NIPBL: variants seen among roughly 807,000 people sequenced by gnomAD.
NIPBL encodes the protein NIPBL cohesin loading factor.
Under a neutral mutation model 321.8 loss-of-function variants are expected in NIPBL, and 19 were observed. The ratio of observed to expected loss-of-function variants is 0.06; its 90% CI spans 0.04 to 0.09. The LOEUF is 0.09. Ranked by LOEUF, NIPBL falls within the 10% of genes least tolerant of loss-of-function variation. The probability of loss-of-function intolerance (pLI) is 1.00; values close to 1 mark genes in which losing one functional copy is unlikely to be tolerated. For synonymous variants in NIPBL, 1,106 were observed against 1,114.1 expected (o/e 0.99, Z 0.14); for missense variants, 2,210 against 3,327.0 (o/e 0.66, Z 8.26).
intron 1 of NIPBL, among the ~76,000 whole-genome samples, chr5:36,900,923 C>G (rs1169856851): frequency 6.6e-6 from 1 of 152,100 alleles, no homozygotes; most frequent in African/African-American, 2.4e-5. Flanking sequence ...ATTAATTGTT[C>G]CCTTTTCTAT....
At chr5:36,923,672 C>T (rs1258384252) in intron 1 of NIPBL, among the ~76,000 whole-genome samples, 2 of 152,082 alleles carry the variant, frequency 1.3e-5, no homozygotes, top group African/African-American at 4.8e-5. Context: ...CAGAAGTAGT[C>T]TTGGTTGACC....
At chr5:37,040,479 T>C (rs1752213663) in intron 34 of NIPBL, among the ~76,000 whole-genome samples, 1 of 152,172 alleles carries the variant, frequency 6.6e-6, no homozygotes, top group South Asian at 2.1e-4. Flanking sequence ...TCATATTATA[T>C]AGATATTTGT....
At chr5:36,947,043 T>C (rs556054698) in intron 1 of NIPBL, among the ~76,000 whole-genome samples, 2 of 152,218 alleles carry the variant, frequency 1.3e-5, no homozygotes, top group South Asian at 4.1e-4. Flanking sequence ...TTTTTGCATC[T>C]GTGAAATAGT....
At chr5:37,009,537 T>C (rs1218977683) in intron 20 of NIPBL, among the ~76,000 whole-genome samples, 1 of 152,234 alleles carries the variant, frequency 6.6e-6, no homozygotes, top group Non-Finnish European at 1.5e-5. Flanking sequence ...TAAACATTTA[T>C]TGTCTGTTAA....
chr5:36,896,937 C>A (rs1205926116), intron 1 of NIPBL, among the ~76,000 whole-genome samples: 1 of 151,572 alleles, frequency 6.6e-6, no homozygotes, highest in Non-Finnish European at 1.5e-5. Context: ...TATTGCATTT[C>A]TTTTGTTAAA....
chr5:36,893,865 A>C (rs1236313354), intron 1 of NIPBL, among the ~76,000 whole-genome samples: 1 of 152,186 alleles, frequency 6.6e-6, no homozygotes, highest in African/African-American at 2.4e-5. Context: ...TGAGGAAAGA[A>C]GTTAGGGTAG....
Position 37,001,032 on chromosome 5 carries a change from A to G in NIPBL, c.3618A>G (p.Ile1206Met). The part of the protein sequence containing the change: ...SSTFKRFTAS[I>M]ENILDNLEDM... ...CTTTTAAGAGATTCACAGCCTCAAT[A>G]GAGAATATTTTGGATAATTTGGAAG... Residue 1206 changes from isoleucine (I) to methionine (M), a missense_variant, in exon 14 of 47, where the codon ATA (isoleucine) becomes ATG (methionine). This residue lies in a region of NIPBL where 381 missense variants were observed against 642.3 expected (regional missense o/e 0.59). Coordinates refer to ENST00000282516, the MANE Select transcript of NIPBL (RefSeq NM_133433.4). 2 of 1,612,020 alleles carry G rather than the reference A, an allele frequency of 1.2e-6. No homozygotes were observed. Among genetic ancestry groups the G allele is most frequent in the Non-Finnish European group, 1.7e-6 (2 of 1,178,854 alleles).
Position 37,003,218 on chromosome 5 carries a change from A to G in NIPBL, c.3769-43A>G, listed in dbSNP as rs779888924. ...CAGATTGTTTCTTGAATAATATATA[A>G]CTTTTACCAACGATTGATAAAGAAT... On this transcript the variant is annotated intron_variant, in intron 15 of 46. Transcript: ENST00000282516. 4.5e-6 allele frequency: 5 copies of G among 1,120,960 alleles called. No homozygotes were observed. In the African/African-American group the frequency reaches 7.6e-5, roughly 17 times the overall value. The allele number at this position is 1,120,960 out of a possible 1,614,324, so 69.4% of individuals were successfully genotyped here.
intron 1 of NIPBL, among the ~76,000 whole-genome samples, chr5:36,920,103 C>T (rs1018080290): frequency 5.3e-5 from 8 of 151,664 alleles, no homozygotes; most frequent in Non-Finnish European, 1.2e-4. Flanking sequence ...ATATGAATAT[C>T]AGAGAAATAT....
chr5:37,025,989 T>C (rs1750221612), intron 30 of NIPBL, among the ~76,000 whole-genome samples: 1 of 152,190 alleles, frequency 6.6e-6, no homozygotes, highest in Non-Finnish European at 1.5e-5. Context: ...GAAGAAGTTC[T>C]AGGCTAGGGA....
chr5:36,972,324 G>A (rs1412572796), intron 8 of NIPBL, among the ~76,000 whole-genome samples: 2 of 151,942 alleles, frequency 1.3e-5, no homozygotes, highest in African/African-American at 4.8e-5. Context: ...AAACCACAAC[G>A]TTCTTCTCTT....
At chr5:36,885,323 AG>A in intron 1 of NIPBL, 1 of 488,706 alleles carries the variant, frequency 2.0e-6, no homozygotes. Context: ...TGCAGGCGCC[AG>A]GGGCTCTGGT....
intron 32 of NIPBL, among the ~76,000 whole-genome samples, chr5:37,031,955 G>C (rs764749466): frequency 6.6e-6 from 1 of 152,158 alleles, no homozygotes; most frequent in Non-Finnish European, 1.5e-5. Context: ...GGGATTGACT[G>C]GGAAAGGACA....
chr5:36,959,548 G>A (rs776244686), intron 4 of NIPBL, among the ~76,000 whole-genome samples: 5 of 152,112 alleles, frequency 3.3e-5, no homozygotes, highest in Non-Finnish European at 5.9e-5. Context: ...GAGTTATGAC[G>A]GCTTTCTGGA....
intron 1 of NIPBL, among the ~76,000 whole-genome samples, chr5:36,889,715 A>T (rs1011504135): frequency 2.0e-5 from 3 of 152,174 alleles, no homozygotes; most frequent in African/African-American, 7.2e-5. Context: ...AAACTGGAAG[A>T]TAAACACCAC....
chr5:36,961,304 G>A (rs1355643318), intron 4 of NIPBL, among the ~76,000 whole-genome samples, 180 bp from the exon 5 acceptor site: 3 of 152,054 alleles, frequency 2.0e-5, no homozygotes, highest in Non-Finnish European at 4.4e-5. Flanking sequence ...GGAAAATGGT[G>A]TTGTAATAAA....
chr5:36,930,727 T>G (rs1749714880), intron 1 of NIPBL, among the ~76,000 whole-genome samples: 1 of 152,148 alleles, frequency 6.6e-6, no homozygotes, highest in Non-Finnish European at 1.5e-5. Flanking sequence ...TATTTCTAAT[T>G]TTTGAGAGTT....
At chr5:36,921,312 A>G (rs1056526356) in intron 1 of NIPBL, among the ~76,000 whole-genome samples, 2 of 152,180 alleles carry the variant, frequency 1.3e-5, no homozygotes, top group African/African-American at 4.8e-5. Flanking sequence ...AAATCTTAAA[A>G]CTAGTAAAAT....
chr5:36,973,192 T>G (rs1363244795), intron 8 of NIPBL, among the ~76,000 whole-genome samples: 2 of 152,180 alleles, frequency 1.3e-5, no homozygotes, highest in African/African-American at 2.4e-5. Context: ...TGGTAATATA[T>G]TCTCTCAAGT....
Sources: allele counts gnomAD v4.1 joint callset (sites outside exome capture counted in the v4.1 genomes callset), GRCh38; gene constraint gnomAD v4.1.1; regional missense constraint gnomAD v4.1.1; transcripts MANE v1.5; gene names NCBI Gene and HGNC (gene_info 2026-07-23, HGNC 2026-07-21).